PITPNM2: variants seen among roughly 807,000 people sequenced by gnomAD.
PITPNM2 encodes the protein phosphatidylinositol transfer protein membrane associated 2, also known as membrane-associated phosphatidylinositol transfer protein 2.
PITPNM2 carries 35 observed loss-of-function variants against 132.2 expected under a neutral mutation model. The observed-to-expected ratio is 0.26, with a 90% CI of 0.20 to 0.35. The LOEUF (loss-of-function observed/expected upper bound fraction) is 0.35. PITPNM2 is among the 10% of genes least tolerant of loss of function. The pLI is 1.00. For missense variants in PITPNM2, 1,332 were observed against 1,912.0 expected (o/e 0.70, Z 5.66); for synonymous variants, 738 against 799.2 (o/e 0.92, Z 1.29).
Position 123,097,037 on chromosome 12 carries a change from A to G in PITPNM2, c.-96+13348T>C, listed in dbSNP as rs1438071554. On this transcript the variant is annotated intron_variant, in intron 2 of 25. Coordinates refer to ENST00000320201, the MANE Select transcript of PITPNM2 (RefSeq NM_020845.3). This position sits in a 1 kb window ranked among gnomAD's most constrained non-coding sequence, Gnocchi z 4.7. ...TATTTTTATTATTATTTATTTATTT[A>G]TTTATTTTTAATTTATTTTTTTGGT... Among the ~76,000 whole-genome samples, 1 of 151,716 alleles carries G rather than the reference A, an allele frequency of 6.6e-6. No homozygotes were observed. Among genetic ancestry groups the G allele is most frequent in the Non-Finnish European group, 1.5e-5 (1 of 67,946 alleles).
In PITPNM2 at chr12:122,996,596, G is replaced by C. The variant is rs779002621; in HGVS notation, c.1663-19C>G. ...GGCAGACCTTGGGAGAGAGGGGCCA[G>C]AGGCCTGAGCCATTCACCCGCTCGC... is the stretch of plus-strand genomic sequence containing the variant. On this transcript the variant is annotated intron_variant, in intron 12 of 25. Transcript: ENST00000320201. The C allele has an allele frequency of 1.9e-6, 3 of 1,613,070 alleles. No individual in the cohort carries two copies. The highest frequency in any genetic ancestry group is 2.5e-6 in the Non-Finnish European group (3 of 1,179,964).
intron 2 of PITPNM2, among the ~76,000 whole-genome samples, chr12:123,043,482 T>TA (rs2040559513): frequency 6.6e-6 from 1 of 152,124 alleles, no homozygotes; most frequent in African/African-American, 2.4e-5. Flanking sequence ...CAGAGAGCTT[T>TA]AAAGCCCTGG....
intron 1 of PITPNM2, among the ~76,000 whole-genome samples, chr12:123,113,478 T>A (rs930903708): frequency 6.6e-6 from 1 of 152,078 alleles, no homozygotes; most frequent in Non-Finnish European, 1.5e-5. Flanking sequence ...AGGCAGAGGA[T>A]CATTTGAGCT....
chr12:122,986,747 C>T lies in PITPNM2; in HGVS notation c.3496G>A (p.Ala1166Thr). The T allele has an allele frequency of 6.2e-7, 1 of 1,613,570 alleles. No individual in the cohort carries two copies. The highest frequency in any genetic ancestry group is 8.5e-7 in the Non-Finnish European group (1 of 1,180,004). Reference sequence around the variant, plus strand: ...ACGCCATGGGGGAAGTTGTGCTGGGCCAGCCACGCCACCACCCGCTGCTTC... The same window carrying T: ...ACGCCATGGGGGAAGTTGTGCTGGGTCAGCCACGCCACCACCCGCTGCTTC... The part of the protein sequence containing the change: ...MQKQRVVAWL[A>T]QHNFPHGVVS... Residue 1166 changes from alanine to threonine, a missense_variant, in exon 24 of 26, where the codon GCC becomes ACC. Physicochemically the swap from Ala to Thr is moderately conservative, Grantham distance 58. Coordinates refer to ENST00000320201, the MANE Select transcript of PITPNM2 (RefSeq NM_020845.3).
chr12:123,011,882 G>T (rs1227962075), intron 5 of PITPNM2, among the ~76,000 whole-genome samples: 1 of 152,182 alleles, frequency 6.6e-6, no homozygotes, highest in East Asian at 1.9e-4. Flanking sequence ...AGCCACTCAT[G>T]CTATGACGCT....
At chr12:123,123,935 CAA>C (rs74682441) in intron 1 of PITPNM2, among the ~76,000 whole-genome samples, 15 of 111,782 alleles carry the variant, frequency 1.3e-4, no homozygotes, top group Admixed American at 2.9e-4. Flanking sequence ...GATTCTGCCT[CAA>C]AAAAAAAAAA....
chr12:123,038,136 C>T (rs1437570757), intron 2 of PITPNM2, among the ~76,000 whole-genome samples: 1 of 152,234 alleles, frequency 6.6e-6, no homozygotes, highest in Non-Finnish European at 1.5e-5. Context: ...GCTCAGGATG[C>T]AATTCCATCA....
chr12:123,067,465 ACACAC>A (rs1434568511), intron 2 of PITPNM2, among the ~76,000 whole-genome samples: 78 of 143,244 alleles, frequency 5.4e-4, no homozygotes, highest in African/African-American at 1.8e-3. Flanking sequence ...ACACACACAC[ACACAC>A]ACACACACAC....
At chr12:123,128,837 G>A (rs751148774) in intron 1 of PITPNM2, among the ~76,000 whole-genome samples, 27 of 151,632 alleles carry the variant, frequency 1.8e-4, no homozygotes, top group Non-Finnish European at 3.2e-4. Context: ...CAGTCTCTAC[G>A]TTTTTAAGAT....
chr12:123,148,888 C>T (rs1043894655), intron 1 of PITPNM2, among the ~76,000 whole-genome samples: 9 of 152,128 alleles, frequency 5.9e-5, no homozygotes, highest in Non-Finnish European at 1.3e-4. Flanking sequence ...AAGGCCAAGA[C>T]TGGGTCTCAA....
intron 2 of PITPNM2, among the ~76,000 whole-genome samples, chr12:123,044,064 C>T (rs1381011758): frequency 6.6e-6 from 1 of 152,214 alleles, no homozygotes; most frequent in Non-Finnish European, 1.5e-5. Context: ...TAATTTAACA[C>T]TGAGTATGGC....
In PITPNM2 at chr12:123,077,558, C is replaced by A. The variant is rs1021690065; in HGVS notation, c.-96+32827G>T. 1.3e-5 allele frequency among the ~76,000 whole-genome samples: 2 copies of A among 152,126 alleles called. No homozygotes were observed. Among genetic ancestry groups the A allele is most frequent in the Admixed American group, 6.5e-5 (1 of 15,280 alleles). On this transcript the variant is annotated intron_variant, in intron 2 of 25. Transcript: ENST00000320201. The surrounding 1 kb of genome is among the most constrained non-coding windows in gnomAD (Gnocchi z 4.8). The stretch of plus-strand genomic sequence containing the variant: ...ATGGAGTGCTGTACCTACCCAAGCA[C>A]CAGGAGGCAGGAGTCGAGCTACTCA...
chr12:122,991,883 C>T, intron 16 of PITPNM2: 1 of 1,313,366 alleles, frequency 7.6e-7, no homozygotes, highest in Non-Finnish European at 9.7e-7. Context: ...CTCAGGGTTT[C>T]TCTGCACGGT....
chr12:122,988,105 G>T (rs1405514542), intron 20 of PITPNM2, 129 bp downstream of exon 20: 8 of 937,620 alleles, frequency 8.5e-6, no homozygotes, highest in Non-Finnish European at 1.2e-5. Context: ...TGGGCTGACA[G>T]CTCCAACCTC....
At chr12:123,112,346 G>A (rs2042855655) in intron 1 of PITPNM2, among the ~76,000 whole-genome samples, 1 of 152,026 alleles carries the variant, frequency 6.6e-6, no homozygotes, top group African/African-American at 2.4e-5. Flanking sequence ...TGCCCTAAGG[G>A]GACATGGAAA....
intron 2 of PITPNM2, among the ~76,000 whole-genome samples, chr12:123,056,947 C>T (rs557015173): frequency 2.0e-5 from 3 of 152,294 alleles, no homozygotes; most frequent in Non-Finnish European, 2.9e-5. Flanking sequence ...TAGAGGCCAC[C>T]GATCTGCTGC....
chr12:123,090,364 A>C (rs2042224772), intron 2 of PITPNM2: 1 of 152,126 alleles, frequency 6.6e-6, no homozygotes, highest in Non-Finnish European at 1.5e-5. Flanking sequence ...GACAGCAGAA[A>C]CCACATTTTC....
rs2038286412 is a variant in PITPNM2 at position 122,993,441 on chromosome 12, A to G, written c.2234-772T>C. Among the ~76,000 whole-genome samples the G allele has an allele frequency of 6.6e-6, 1 of 152,236 alleles. No homozygotes were observed. Among genetic ancestry groups the G allele is most frequent in the Non-Finnish European group, 1.5e-5 (1 of 68,048 alleles). ...TCACTTTTAGAGGGACATAAACCAG[A>G]ACATATGCTATGCCTTCTGAACTTT... On this transcript the variant is annotated intron_variant, in intron 15 of 25. Transcript: ENST00000320201. This position sits in a 1 kb window ranked among gnomAD's most constrained non-coding sequence, Gnocchi z 5.2.
At position 123,009,014 on chromosome 12, in the gene PITPNM2, G is replaced by A. The variant is rs1055673665; in HGVS notation, c.643+836C>T. 6.6e-6 allele frequency among the ~76,000 whole-genome samples: 1 copy of A among 152,158 alleles called. No individual in the cohort carries two copies. The highest frequency in any genetic ancestry group is 2.4e-5 in the African/African-American group (1 of 41,428). On this transcript the variant is annotated intron_variant, in intron 6 of 25. Coordinates refer to ENST00000320201, the MANE Select transcript of PITPNM2 (RefSeq NM_020845.3). This position sits in a 1 kb window ranked among gnomAD's most constrained non-coding sequence, Gnocchi z 4.8. ...CAGATCTAGTTCAGCCCCAGTGTTG[G>A]GTCTCTGCTTCCTCCTGCATAAGTG...
Sources: gnomAD v4.1 joint callset for allele counts (sites outside exome capture counted in the v4.1 genomes callset) on GRCh38, gnomAD v4.1.1 for gene constraint, Gnocchi (gnomAD v3.1) non-coding constraint, MANE v1.5 for transcripts, NCBI Gene and HGNC (gene_info 2026-07-23, HGNC 2026-07-21) for gene names.